Variants in ZCCHC10 observed in about 807,000 individuals in gnomAD.
ZCCHC10 encodes zinc finger CCHC-type containing 10.
Under a neutral mutation model 19.5 loss-of-function variants are expected in ZCCHC10, and 16 were observed. That is an observed-to-expected ratio of 0.82 (90% confidence interval 0.56 to 1.25). The LOEUF is 1.25. ZCCHC10 is among the 50% of genes most tolerant of loss of function. ZCCHC10 has a pLI of 0.00. For missense variants in ZCCHC10, 197 were observed against 201.0 expected, an observed-to-expected ratio of 0.98 and a Z score of 0.12; for synonymous variants, 67 against 72.5, an observed-to-expected ratio of 0.92 and a Z score of 0.38.
intron 2 of ZCCHC10, chr5:133,018,985 T>G: frequency 2.4e-6 from 1 of 413,134 alleles, no homozygotes; most frequent in Non-Finnish European, 4.7e-6. Context: ...TTCTCCATAT[T>G]GAGAAACTGG....
intron 2 of ZCCHC10, among the ~76,000 whole-genome samples, chr5:133,020,210 A>C (rs1467364474): frequency 6.6e-6 from 1 of 151,698 alleles, no homozygotes; most frequent in African/African-American, 2.4e-5. Context: ...CACACTTGTA[A>C]TATCCCAGCA....
Position 133,000,249 on chromosome 5 carries a change from C to A in ZCCHC10, c.270-76G>T, listed in dbSNP as rs149729272. 3.0e-3 allele frequency: 4,556 copies of A among 1,508,388 alleles called. 104 individuals carry two copies. Among genetic ancestry groups the A allele is most frequent in the East Asian group, 9.4e-3 (416 of 44,106 alleles). The allele number at this position is 1,508,388 out of a possible 1,614,324, so 93.4% of individuals were successfully genotyped here. On this transcript the variant is annotated intron_variant, in intron 3 of 4. Transcript: ENST00000509437. ...CAGCTCAGACAAGCCCTTCTACTAT[C>A]CCCCAAATCATTTTACTCTGGAGAA...
intron 2 of ZCCHC10, among the ~76,000 whole-genome samples, chr5:133,022,110 T>C (rs1179729020): frequency 6.6e-6 from 1 of 152,206 alleles, no homozygotes; most frequent in African/African-American, 2.4e-5. Flanking sequence ...TTATAACTTA[T>C]AAATGTTTAA....
At chr5:133,015,975 C>T (rs1243834893) in intron 2 of ZCCHC10, among the ~76,000 whole-genome samples, 2 of 152,112 alleles carry the variant, frequency 1.3e-5, no homozygotes, top group Non-Finnish European at 2.9e-5. Context: ...GGGTTATAAT[C>T]CATCACCATC....
At chr5:133,017,489 C>T (rs1356714599) in intron 2 of ZCCHC10, among the ~76,000 whole-genome samples, 3 of 151,994 alleles carry the variant, frequency 2.0e-5, no homozygotes, top group Non-Finnish European at 2.9e-5. Context: ...TCCACCTCAG[C>T]CTCTCAAGCA....
intron 2 of ZCCHC10, among the ~76,000 whole-genome samples, chr5:133,013,734 T>C (rs1312462533): frequency 6.6e-6 from 1 of 151,416 alleles, no homozygotes; most frequent in Non-Finnish European, 1.5e-5. Context: ...ACAATATATA[T>C]ATATGTAGGA....
At chr5:133,018,400 G>T (rs1429493424) in intron 2 of ZCCHC10, among the ~76,000 whole-genome samples, 1 of 151,012 alleles carries the variant, frequency 6.6e-6, no homozygotes, top group Non-Finnish European at 1.5e-5. Context: ...CTCCCTCCTT[G>T]GCCTCTCTCT....
intron 2 of ZCCHC10, among the ~76,000 whole-genome samples, chr5:133,015,945 G>A (rs1763891462): frequency 6.6e-6 from 1 of 152,252 alleles, no homozygotes; most frequent in African/African-American, 2.4e-5. Flanking sequence ...GTGGATTAAT[G>A]TTTTTCCATT....
chr5:132,998,712 G>A lies in ZCCHC10; in HGVS notation c.450C>T (p.Ser150=). 1.2e-6 allele frequency: 2 copies of A among 1,614,094 alleles called. No homozygotes were observed. Among genetic ancestry groups the A allele is most frequent in the Non-Finnish European group, 1.7e-6 (2 of 1,180,000 alleles). Residue 150 remains serine, a synonymous_variant, in exon 5 of 5, where the codon TCC becomes TCT. Transcript: ENST00000509437. ...DTDESSSSSS[S]SASSTTSSSS... The stretch of plus-strand genomic sequence containing the variant: ...AGGAAGAGGTTGTGGAGGAGGCTGA[G>A]GATGAGGAACTAGAGGAGCTTTCAT...
intron 2 of ZCCHC10, chr5:133,018,894 C>T (rs1378201784): frequency 1.8e-5 from 6 of 334,420 alleles, no homozygotes; most frequent in South Asian, 6.9e-5. Flanking sequence ...AAGCCTTTCA[C>T]GATTTTCCCT....
chr5:133,019,739 G>C (rs1217894796), intron 2 of ZCCHC10, among the ~76,000 whole-genome samples: 2 of 152,012 alleles, frequency 1.3e-5, no homozygotes, highest in South Asian at 4.1e-4. Flanking sequence ...TGGATCACTT[G>C]AGGTCAGGAG....
In ZCCHC10 at chr5:133,015,702, C is replaced by T. The variant is rs115925056; in HGVS notation, c.107+7139G>A. The stretch of plus-strand genomic sequence containing the variant: ...TTCAGATAACTGCTGCCCCTGCCAA[C>T]ATCCTGATCACAACCACATGGGAGA... On this transcript the variant is annotated intron_variant, in intron 2 of 4. Transcript: ENST00000509437. Among the ~76,000 whole-genome samples the T allele has an allele frequency of 1.8e-3, 269 of 152,328 alleles. 2 individuals are homozygous for T. Among genetic ancestry groups the T allele is most frequent in the Non-Finnish European group, 3.2e-3 (215 of 68,028 alleles).
chr5:133,020,120 CAGG>C (rs1381537923), intron 2 of ZCCHC10, among the ~76,000 whole-genome samples: 2 of 151,922 alleles, frequency 1.3e-5, no homozygotes, highest in Non-Finnish European at 2.9e-5. Flanking sequence ...CATTTGAGCC[CAGG>C]AGTTCAAGAC....
At chr5:133,015,460 T>C (rs1046145966) in intron 2 of ZCCHC10, among the ~76,000 whole-genome samples, 1 of 152,194 alleles carries the variant, frequency 6.6e-6, no homozygotes, top group African/African-American at 2.4e-5. Flanking sequence ...AATTCCCCTC[T>C]CCTTGGGTGT....
intron 2 of ZCCHC10, among the ~76,000 whole-genome samples, chr5:133,009,613 C>CAA (rs59555378): frequency 0.015 from 832 of 55,472 alleles, 16 homozygotes; most frequent in Middle Eastern, 0.021. Flanking sequence ...GACTCCGTCT[C>CAA]AAAAAAAAAA....
intron 2 of ZCCHC10, among the ~76,000 whole-genome samples, chr5:133,007,371 T>C (rs529238142): frequency 1.3e-5 from 2 of 152,044 alleles, no homozygotes; most frequent in African/African-American, 2.4e-5. Context: ...TGAAACCCCA[T>C]CTCCACTAAA....
chr5:133,012,484 T>C (rs968661251), intron 2 of ZCCHC10, among the ~76,000 whole-genome samples: 58 of 135,262 alleles, frequency 4.3e-4, no homozygotes, highest in African/African-American at 1.5e-3. Flanking sequence ...AAAAAAAAAG[T>C]GTACAGAAAT....
intron 3 of ZCCHC10, among the ~76,000 whole-genome samples, chr5:133,006,373 A>G (rs1444339832): frequency 6.6e-6 from 1 of 152,150 alleles, no homozygotes; most frequent in Non-Finnish European, 1.5e-5. Context: ...GGTTAATTCA[A>G]TTGTCATTTC....
At chr5:133,018,188 A>G (rs1764053387) in intron 2 of ZCCHC10, among the ~76,000 whole-genome samples, 1 of 151,630 alleles carries the variant, frequency 6.6e-6, no homozygotes, top group African/African-American at 2.4e-5. Flanking sequence ...TAGTGCACAG[A>G]TAGTAAACAA....
Sources: allele counts gnomAD v4.1 joint callset (sites outside exome capture counted in the v4.1 genomes callset), GRCh38; gene constraint gnomAD v4.1.1; transcripts MANE v1.5; gene names NCBI Gene and HGNC (gene_info 2026-07-23, HGNC 2026-07-21).